The following DDAH1 variants were observed in gnomAD, a reference collection of about 807,000 sequenced individuals.
DDAH1 encodes the protein dimethylarginine dimethylaminohydrolase 1.
DDAH1 carries 19 observed loss-of-function variants against 28.8 expected under a neutral mutation model. The observed-to-expected ratio is 0.66, with a 90% CI of 0.46 to 0.97. The LOEUF (loss-of-function observed/expected upper bound fraction) is 0.97. Among genes scored for constraint, DDAH1 ranks in the 50% least tolerant of loss-of-function variants. The probability of loss-of-function intolerance (pLI) is 0.00; values close to 1 mark genes in which losing one functional copy is unlikely to be tolerated. For missense variants in DDAH1, 326 were observed against 375.9 expected (o/e 0.87, Z 1.10); for synonymous variants, 153 against 154.4 (o/e 0.99, Z 0.07).
chr1:85,384,170 T>TGCGTGAG (rs1651136447), intron 1 of DDAH1, among the ~76,000 whole-genome samples: 3 of 152,226 alleles, frequency 2.0e-5, no homozygotes, highest in African/African-American at 7.2e-5. Flanking sequence ...ATCTCATTTC[T>TGCGTGAG]GCGTGAGTTC....
intron 1 of DDAH1, among the ~76,000 whole-genome samples, chr1:85,568,885 G>A (rs1162115762): frequency 6.6e-6 from 1 of 152,182 alleles, no homozygotes; most frequent in East Asian, 1.9e-4. Context: ...GGCTCCTAAA[G>A]CAGCTCATGT....
At chr1:85,448,992 TG>T (rs2100666034) in intron 1 of DDAH1, among the ~76,000 whole-genome samples, 1 of 152,308 alleles carries the variant, frequency 6.6e-6, no homozygotes, top group South Asian at 2.1e-4. Flanking sequence ...GTTAAGGGTG[TG>T]CCTCAGTCAA....
chr1:85,499,373 G>A (rs1036481822), intron 1 of DDAH1, among the ~76,000 whole-genome samples: 1 of 152,072 alleles, frequency 6.6e-6, no homozygotes, highest in Non-Finnish European at 1.5e-5. Flanking sequence ...ATTTAGCAAT[G>A]ATAAAAAGAA....
At chr1:85,439,744 G>A (rs17388696) in intron 1 of DDAH1, among the ~76,000 whole-genome samples, 19,789 of 152,196 alleles carry the variant, frequency 0.13, 1,547 homozygotes, top group South Asian at 0.28. Flanking sequence ...CTGTCAAAGT[G>A]AAATTTAACT....
At chr1:85,559,665 G>C (rs1001135090) in intron 1 of DDAH1, among the ~76,000 whole-genome samples, 3 of 152,052 alleles carry the variant, frequency 2.0e-5, no homozygotes, top group African/African-American at 7.2e-5. Context: ...GAACTTCTAG[G>C]GATGAAGAGT....
At chr1:85,526,481 C>G (rs1362773844) in intron 1 of DDAH1, among the ~76,000 whole-genome samples, 3 of 152,152 alleles carry the variant, frequency 2.0e-5, no homozygotes, top group Non-Finnish European at 4.4e-5. Context: ...GTCAGAGCGC[C>G]CGGATCTAGG....
At chr1:85,359,531 C>A (rs1015705962) in intron 1 of DDAH1, among the ~76,000 whole-genome samples, 2 of 152,210 alleles carry the variant, frequency 1.3e-5, no homozygotes, top group African/African-American at 4.8e-5. Context: ...CACACACACA[C>A]ACAGTATAAT....
At chr1:85,381,588 G>A (rs1045112306) in intron 1 of DDAH1, among the ~76,000 whole-genome samples, 1 of 151,498 alleles carries the variant, frequency 6.6e-6, no homozygotes, top group South Asian at 2.1e-4. Context: ...TGTCATCCTA[G>A]TCTTTGTTCC....
At chr1:85,552,159 A>T (rs982462963) in intron 1 of DDAH1, among the ~76,000 whole-genome samples, 5 of 152,152 alleles carry the variant, frequency 3.3e-5, no homozygotes, top group Non-Finnish European at 7.4e-5. Flanking sequence ...TCTCTGGAAA[A>T]AGTCATGGCT....
intron 2 of DDAH1, among the ~76,000 whole-genome samples, chr1:85,474,833 T>G (rs1655739659): frequency 6.6e-6 from 1 of 152,118 alleles, no homozygotes; most frequent in Non-Finnish European, 1.5e-5. Flanking sequence ...CCTTCCAGCT[T>G]TAAGAATCTA....
chr1:85,460,446 A>G (rs2100687302), intron 1 of DDAH1, among the ~76,000 whole-genome samples: 1 of 152,316 alleles, frequency 6.6e-6, no homozygotes, highest in African/African-American at 2.4e-5. Flanking sequence ...GGAAACAATA[A>G]TTAAAGCTAT....
At chr1:85,507,881 T>C (rs1657080816) in intron 1 of DDAH1, among the ~76,000 whole-genome samples, 1 of 152,258 alleles carries the variant, frequency 6.6e-6, no homozygotes. Flanking sequence ...CAGGATTCTT[T>C]GTAATTTGAT....
At chr1:85,472,748 T>TAC (rs1270959366) in intron 2 of DDAH1, among the ~76,000 whole-genome samples, 8 of 152,122 alleles carry the variant, frequency 5.3e-5, no homozygotes, top group Non-Finnish European at 1.2e-4. Flanking sequence ...ATTCAGCGGG[T>TAC]ACATGTGCGG....
At chr1:85,377,300 T>C (rs541456627) in intron 1 of DDAH1, among the ~76,000 whole-genome samples, 62 of 152,216 alleles carry the variant, frequency 4.1e-4, no homozygotes, top group African/African-American at 1.5e-3. Context: ...ACTTTTAAAG[T>C]TTTAGAATCA....
At chr1:85,440,824 C>A (rs536753369) in intron 1 of DDAH1, among the ~76,000 whole-genome samples, 98 of 139,820 alleles carry the variant, frequency 7.0e-4, no homozygotes, top group African/African-American at 2.4e-3. Context: ...AAACTGATGT[C>A]CAACTAAGCT....
chr1:85,337,021 G>T (rs1648175689), intron 4 of DDAH1, among the ~76,000 whole-genome samples: 1 of 152,178 alleles, frequency 6.6e-6, no homozygotes, highest in South Asian at 2.1e-4. Context: ...TTATCCCAAA[G>T]GTGCAAGGAT....
In DDAH1 at chr1:85,321,282, AGGGAG is replaced by A; in HGVS notation, c.*165_*169del. ...ACAGCTTAGGTACCACCTCGAGGGG[AGGGAG>A]GGTGGGGGTGTTGAATGAAGCAATT... On this transcript the variant is annotated 3_prime_UTR_variant, in exon 6 of 6. Transcript: ENST00000284031. 3.7e-6 allele frequency: 2 copies of A among 547,428 alleles called. No individual in the cohort carries two copies. Among genetic ancestry groups the A allele is most frequent in the South Asian group, 5.1e-5 (2 of 39,036 alleles). 33.9% of individuals were successfully genotyped at this position (547,428 alleles called of 1,614,324 possible).
intron 1 of DDAH1, among the ~76,000 whole-genome samples, chr1:85,502,519 G>C (rs1570615529): frequency 6.6e-6 from 1 of 152,082 alleles, no homozygotes; most frequent in East Asian, 1.9e-4. Flanking sequence ...GGACCTCCTT[G>C]CTGTCCCTTG....
At chr1:85,562,172 A>G (rs1659161066) in intron 1 of DDAH1, among the ~76,000 whole-genome samples, 1 of 152,198 alleles carries the variant, frequency 6.6e-6, no homozygotes, top group Non-Finnish European at 1.5e-5. Flanking sequence ...CAATGGCTTT[A>G]TTAAAAAAAA....
Sources: allele counts gnomAD v4.1 joint callset (sites outside exome capture counted in the v4.1 genomes callset), GRCh38; gene constraint gnomAD v4.1.1; transcripts MANE v1.5; gene names NCBI Gene and HGNC (gene_info 2026-07-23, HGNC 2026-07-21).